CRYL1: variants seen among roughly 807,000 people sequenced by gnomAD.
The protein encoded by CRYL1 is lambda-crystallin homolog.
CRYL1 carries 29 observed loss-of-function variants against 36.6 expected under a neutral mutation model. The ratio of observed to expected loss-of-function variants is 0.79; its 90% confidence interval spans 0.59 to 1.08. The LOEUF (loss-of-function observed/expected upper bound fraction) is 1.08, where lower values mean the gene tolerates loss of function less well. Among genes scored for constraint, CRYL1 ranks in the 50% least tolerant of loss-of-function variants. The probability of loss-of-function intolerance (pLI) is 0.00; values close to 1 mark genes in which losing one functional copy is unlikely to be tolerated. For missense variants in CRYL1, 411 were observed against 407.9 expected, an observed-to-expected ratio of 1.01 and a Z score of -0.06; for synonymous variants, 152 against 151.5, an observed-to-expected ratio of 1.00 and a Z score of -0.02.
chr13:20,430,306 T>TA (rs1304207673), intron 5 of CRYL1: 1 of 985,326 alleles, frequency 1.0e-6, no homozygotes, highest in African/African-American at 1.7e-5. Flanking sequence ...TGTATCCTGC[T>TA]AGATTTTGGC....
Position 20,432,187 on chromosome 13 carries a change from G to C in CRYL1, c.548C>G (p.Pro183Arg). ...GGCCACCTCCTTCTGGACTCGCATG[G>C]GGCACTGTCCAATCTTCTTCATCAG... is the stretch of plus-strand genomic sequence containing the variant. The part of the protein sequence containing the change: ...HALMKKIGQC[P>R]MRVQKEVAGF... Residue 183 changes from proline (P) to arginine (R), a missense_variant, in exon 5 of 8, where the codon CCC becomes CGC. Transcript: ENST00000298248. 1 of 1,614,030 alleles carries C rather than the reference G, an allele frequency of 6.2e-7. No individual in the cohort carries two copies. The highest frequency in any genetic ancestry group is 8.5e-7 in the Non-Finnish European group (1 of 1,179,990).
intron 3 of CRYL1, among the ~76,000 whole-genome samples, chr13:20,476,099 G>A (rs935130160): frequency 6.6e-6 from 1 of 152,120 alleles, no homozygotes; most frequent in Non-Finnish European, 1.5e-5. Flanking sequence ...AGCCTCCTCT[G>A]CCAAAACAAC....
At chr13:20,426,077 G>C (rs537821070) in intron 5 of CRYL1, among the ~76,000 whole-genome samples, 1 of 152,162 alleles carries the variant, frequency 6.6e-6, no homozygotes, top group Admixed American at 6.5e-5. Flanking sequence ...GGCTGGAGGC[G>C]GGTGGCTGAG....
At position 20,425,184 on chromosome 13, in the gene CRYL1, G is replaced by A. The variant is rs1368805387; in HGVS notation, c.633+6918C>T. 6.6e-6 allele frequency among the ~76,000 whole-genome samples: 1 copy of A among 152,336 alleles called. No individual in the cohort carries two copies. The highest frequency in any genetic ancestry group is 3.4e-3 in the Middle Eastern group (1 of 294). On this transcript the variant is annotated intron_variant, in intron 5 of 7. Coordinates refer to ENST00000298248, the MANE Select transcript of CRYL1 (RefSeq NM_015974.3). This position sits in a 1 kb window ranked among gnomAD's most constrained non-coding sequence, Gnocchi z 4.4. Reference sequence around the variant, plus strand: ...TCCTTCCCCAGAAAAGCTGCCAGCAGGACCCCGTCTCCTGTTGGCGGTGGC... The same window carrying A: ...TCCTTCCCCAGAAAAGCTGCCAGCAAGACCCCGTCTCCTGTTGGCGGTGGC...
rs1565956601 is a variant in CRYL1 at position 20,415,659 on chromosome 13, CAGG to C, written c.634-2275_634-2273del. Among the ~76,000 whole-genome samples the C allele has an allele frequency of 6.6e-6, 1 of 152,228 alleles. No individual in the cohort carries two copies. Among genetic ancestry groups the C allele is most frequent in the African/African-American group, 2.4e-5 (1 of 41,470 alleles). ...CTGAACAAGCCACAGTCCACGTTTCCAGGAGAATTACAAAGCAAACGCTTGGCC... is the reference window on the plus strand; with the variant it reads ...CTGAACAAGCCACAGTCCACGTTTCCAGAATTACAAAGCAAACGCTTGGCC... On this transcript the variant is annotated intron_variant, in intron 5 of 7. Transcript: ENST00000298248. This position sits in a 1 kb window ranked among gnomAD's most constrained non-coding sequence, Gnocchi z 4.1.
At chr13:20,429,901 C>CA (rs955757443) in intron 5 of CRYL1, among the ~76,000 whole-genome samples, 1 of 152,158 alleles carries the variant, frequency 6.6e-6, no homozygotes, top group Non-Finnish European at 1.5e-5. Flanking sequence ...GGAATGCTGG[C>CA]ACGCTGGTTG....
intron 3 of CRYL1, among the ~76,000 whole-genome samples, chr13:20,447,234 A>G (rs1290487426): frequency 1.3e-5 from 2 of 152,244 alleles, no homozygotes; most frequent in Non-Finnish European, 2.9e-5. Flanking sequence ...TCTTTGTGAC[A>G]TCAAGAGCAA....
chr13:20,414,490 C>T (rs2031606545), intron 5 of CRYL1, among the ~76,000 whole-genome samples: 1 of 152,120 alleles, frequency 6.6e-6, no homozygotes, highest in African/African-American at 2.4e-5. Flanking sequence ...CTGCCTAGGA[C>T]CCAGGGGGGA....
chr13:20,432,120 C>G lies in CRYL1; in HGVS notation c.615G>C (p.Glu205Asp). The change falls in exon 5 of 8, where the codon GAG becomes GAC. Residue 205 changes from glutamate to aspartate, a missense_variant. Glu to Asp is a conservative substitution (Grantham distance 45). Transcript: ENST00000298248. ...CACACACCTCCACTAGCCGCCAGGCCTCGCTGATGATTGCATATTGCAGGC... is the reference window on the plus strand; with the variant it reads ...CACACACCTCCACTAGCCGCCAGGCGTCGCTGATGATTGCATATTGCAGGC... ...LNRLQYAIIS[E>D]AWRLVEEGIV... The G allele has an allele frequency of 6.2e-7, 1 of 1,614,138 alleles. No individual in the cohort carries two copies. Among genetic ancestry groups the G allele is most frequent in the African/African-American group, 1.3e-5 (1 of 75,020 alleles).
chr13:20,485,635 C>T (rs28497322), intron 3 of CRYL1, among the ~76,000 whole-genome samples: 1 of 149,814 alleles, frequency 6.7e-6, no homozygotes, highest in Non-Finnish European at 1.5e-5. Context: ...CGCCACTGCA[C>T]TCCAGCCTGG....
chr13:20,460,627 G>T (rs1277870765), intron 3 of CRYL1, among the ~76,000 whole-genome samples: 1 of 136,524 alleles, frequency 7.3e-6, no homozygotes, highest in Non-Finnish European at 1.5e-5. Flanking sequence ...CCGGGTTCAC[G>T]CCATTCTCCT....
At chr13:20,489,686 T>G (rs940174534) in intron 2 of CRYL1, among the ~76,000 whole-genome samples, 190 bp from the exon 3 acceptor site, 10 of 152,192 alleles carry the variant, frequency 6.6e-5, no homozygotes, top group South Asian at 2.1e-4. Flanking sequence ...ACTGGAACCA[T>G]TGTGCACTGC....
intron 2 of CRYL1, among the ~76,000 whole-genome samples, chr13:20,506,397 G>A (rs868504887): frequency 1.3e-5 from 2 of 152,180 alleles, no homozygotes; most frequent in African/African-American, 2.4e-5. Context: ...ACAGTCATAA[G>A]TTATTTAGGT....
intron 3 of CRYL1, among the ~76,000 whole-genome samples, chr13:20,485,176 C>T (rs1212817655): frequency 2.0e-5 from 3 of 152,140 alleles, no homozygotes; most frequent in Non-Finnish European, 4.4e-5. Flanking sequence ...CACCACCACG[C>T]CTGGCTAATG....
chr13:20,513,682 C>T (rs2033953183), intron 1 of CRYL1: 1 of 152,086 alleles, frequency 6.6e-6, no homozygotes, highest in South Asian at 2.1e-4. Flanking sequence ...TTCAGACTTC[C>T]TGAAAAGTGA....
At chr13:20,504,360 G>A (rs993072584) in intron 2 of CRYL1, among the ~76,000 whole-genome samples, 1 of 142,854 alleles carries the variant, frequency 7.0e-6, no homozygotes, top group African/African-American at 2.7e-5. Flanking sequence ...CTGGAGTGCA[G>A]TGGTGCAATC....
chr13:20,403,792 C>T lies in CRYL1; in HGVS notation c.*337G>A, dbSNP rs989529641. The T allele has an allele frequency of 5.4e-6, 1 of 186,332 alleles. No homozygotes were observed. The highest frequency in any genetic ancestry group is 2.3e-5 in the African/African-American group (1 of 42,628). 11.5% of individuals were successfully genotyped at this position (186,332 alleles called of 1,614,324 possible). ...AGAAAATAATTACAAAAATATTTTG[C>T]CACATATTAACATGAAACTACAATC... On this transcript the variant is annotated 3_prime_UTR_variant, in exon 8 of 8. Coordinates refer to ENST00000298248, the MANE Select transcript of CRYL1 (RefSeq NM_015974.3).
intron 2 of CRYL1, among the ~76,000 whole-genome samples, chr13:20,501,954 C>T (rs898332259): frequency 6.6e-6 from 1 of 152,192 alleles, no homozygotes. Flanking sequence ...CCCAACCACA[C>T]AGTCCATGTG....
intron 3 of CRYL1, among the ~76,000 whole-genome samples, chr13:20,463,792 T>G (rs552149716): frequency 2.0e-5 from 3 of 152,290 alleles, no homozygotes; most frequent in Middle Eastern, 3.4e-3. Context: ...CATTTAGAAA[T>G]GTATAAAATG....
Sources: gnomAD v4.1 joint callset for allele counts (sites outside exome capture counted in the v4.1 genomes callset) on GRCh38, gnomAD v4.1.1 for gene constraint, Gnocchi (gnomAD v3.1) non-coding constraint, MANE v1.5 for transcripts, NCBI Gene and HGNC (gene_info 2026-07-23, HGNC 2026-07-21) for gene names.